Variants in THADA observed in about 807,000 individuals in gnomAD.
THADA encodes tRNA (32-2'-O)-methyltransferase regulator THADA.
A neutral mutation model predicts 219.8 loss-of-function variants in THADA; 213 were observed. The observed-to-expected ratio is 0.97, with a 90% CI of 0.87 to 1.09. THADA has a LOEUF of 1.09. Ranked by LOEUF, THADA falls within the 50% of genes least tolerant of loss-of-function variation. The pLI, the probability that THADA is intolerant of heterozygous loss-of-function variation, is 0.00. For synonymous variants in THADA, 1,018 were observed against 828.9 expected (o/e 1.23, Z -3.92); for missense variants, 2,956 against 2,311.3 (o/e 1.28, Z -5.72).
chr2:43,533,332 G>A (rs997184787), intron 21 of THADA, among the ~76,000 whole-genome samples: 71 of 152,190 alleles, frequency 4.7e-4, no homozygotes, highest in African/African-American at 1.7e-3. Context: ...ACAGTGTGGC[G>A]ATTCCTCAAG....
In THADA at chr2:43,291,750, T is replaced by C; in HGVS notation, c.4956A>G (p.Val1652=). The C allele has an allele frequency of 1.3e-6, 2 of 1,551,760 alleles. No individual in the cohort carries two copies. Among genetic ancestry groups the C allele is most frequent in the Non-Finnish European group, 1.7e-6 (2 of 1,145,890 alleles). ...ASNERSEIQS[V]ALRLASKVIS... ...TGACTTTGGAAGCAAGTCTCAGAGCTACACTCTGAATTTCAGATCTAGAAA... is the reference window on the plus strand; with the variant it reads ...TGACTTTGGAAGCAAGTCTCAGAGCCACACTCTGAATTTCAGATCTAGAAA... Residue 1652 remains valine (V), a synonymous_variant, in exon 34 of 38, where the codon GTA becomes GTG. Coordinates refer to ENST00000405975, the MANE Select transcript of THADA (RefSeq NM_022065.5).
chr2:43,348,175 A>C, intron 29 of THADA, among the ~76,000 whole-genome samples: 1 of 152,150 alleles, frequency 6.6e-6, no homozygotes, highest in East Asian at 1.9e-4. Context: ...AGTCATCCTG[A>C]TTTCCATTTT....
At chr2:43,437,527 C>A (rs1680272884) in intron 26 of THADA, among the ~76,000 whole-genome samples, 1 of 152,122 alleles carries the variant, frequency 6.6e-6, no homozygotes, top group Admixed American at 6.5e-5. Context: ...TTGTATGAGA[C>A]AAACTGAATG....
chr2:43,497,843 C>G (rs1384198016), intron 25 of THADA, among the ~76,000 whole-genome samples: 1 of 152,068 alleles, frequency 6.6e-6, no homozygotes, highest in Non-Finnish European at 1.5e-5. Context: ...TGAGATCACA[C>G]CACTGCACTC....
At chr2:43,445,410 C>G (rs1049070368) in intron 26 of THADA, among the ~76,000 whole-genome samples, 5 of 152,198 alleles carry the variant, frequency 3.3e-5, no homozygotes, top group Admixed American at 3.3e-4. Context: ...CTGACACTAG[C>G]TTTTCTCCCT....
intron 25 of THADA, 124 bp from the exon 26 acceptor site, chr2:43,485,449 G>T: frequency 1.5e-6 from 1 of 663,670 alleles, no homozygotes; most frequent in East Asian, 2.6e-5. Context: ...TAAAAAGACA[G>T]ATTTGTGTTC....
At chr2:43,521,177 G>T (rs936229057) in intron 22 of THADA, among the ~76,000 whole-genome samples, 2 of 150,680 alleles carry the variant, frequency 1.3e-5, no homozygotes, top group Non-Finnish European at 3.0e-5. Context: ...AGGAGGGAGG[G>T]AGGGAAGAAG....
At chr2:43,245,172 C>CCTTTTTTTTTT (rs1669006363) in intron 36 of THADA, among the ~76,000 whole-genome samples, 1 of 103,144 alleles carries the variant, frequency 9.7e-6, no homozygotes, top group South Asian at 3.6e-4. Flanking sequence ...CTTTCTTCTT[C>CCTTTTTTTTTT]TTTTTTTTTT....
intron 31 of THADA, among the ~76,000 whole-genome samples, chr2:43,311,658 C>A (rs1242182024): frequency 1.3e-5 from 2 of 152,128 alleles, no homozygotes; most frequent in African/African-American, 4.8e-5. Flanking sequence ...AATGTGATAT[C>A]TATATACTGG....
chr2:43,426,158 T>A (rs758508445), intron 28 of THADA, among the ~76,000 whole-genome samples: 1 of 152,248 alleles, frequency 6.6e-6, no homozygotes, highest in Admixed American at 6.5e-5. Context: ...AATGCAATCT[T>A]TGTTTTATAT....
intron 36 of THADA, among the ~76,000 whole-genome samples, chr2:43,238,811 G>A (rs1414212205): frequency 6.6e-6 from 1 of 152,186 alleles, no homozygotes; most frequent in Non-Finnish European, 1.5e-5. Flanking sequence ...AGGAGGTCTA[G>A]GTGGGAAGGT....
Position 43,590,912 on chromosome 2 carries a change from C to A in THADA, c.214G>T (p.Asp72Tyr), listed in dbSNP as rs1701492225. Residue 72 changes from aspartate to tyrosine, a missense_variant, in exon 4 of 38, where the codon GAT becomes TAT. Transcript: ENST00000405975. ...LEKADKNGMC[D>Y]PTIQSCLDIL... ...TCCAAACAACTTTGAATAGTGGGATCACACATGCCATTTTTATCTGCTTTC... is the reference window on the plus strand; with the variant it reads ...TCCAAACAACTTTGAATAGTGGGATAACACATGCCATTTTTATCTGCTTTC... 6.2e-7 allele frequency: 1 copy of A among 1,613,674 alleles called. No individual in the cohort carries two copies. The highest frequency in any genetic ancestry group is 8.5e-7 in the Non-Finnish European group (1 of 1,179,666).
intron 26 of THADA, among the ~76,000 whole-genome samples, chr2:43,483,413 C>T (rs1462083401): frequency 1.3e-5 from 2 of 152,108 alleles, no homozygotes; most frequent in African/African-American, 4.8e-5. Flanking sequence ...GCAAAGCAAA[C>T]CTAATGGGAG....
intron 15 of THADA, chr2:43,566,182 G>A: frequency 2.6e-6 from 1 of 378,304 alleles, no homozygotes; most frequent in Non-Finnish European, 4.7e-6. Context: ...ACCCTCTTGA[G>A]AACCACACAG....
chr2:43,480,216 A>G (rs1686022217), intron 26 of THADA, among the ~76,000 whole-genome samples: 1 of 152,184 alleles, frequency 6.6e-6, no homozygotes, highest in Admixed American at 6.5e-5. Context: ...TGAAATGAGG[A>G]TGATACTGCC....
chr2:43,318,413 G>A lies in THADA; in HGVS notation c.4438+2033C>T, dbSNP rs534804060. ...GATAATACATTTTAAATTTAATCCAGTATGTCAAAAACATCATTCCAACAC... is the reference window on the plus strand; with the variant it reads ...GATAATACATTTTAAATTTAATCCAATATGTCAAAAACATCATTCCAACAC... On this transcript the variant is annotated intron_variant, in intron 31 of 37. Transcript: ENST00000405975. Among the ~76,000 whole-genome samples the A allele has an allele frequency of 5.9e-5, 9 of 152,236 alleles. No homozygotes were observed. In the East Asian group the frequency reaches 1.2e-3, roughly 20 times the overall value.
intron 36 of THADA, among the ~76,000 whole-genome samples, chr2:43,233,747 G>A (rs1667712878): frequency 1.3e-5 from 2 of 152,206 alleles, no homozygotes; most frequent in East Asian, 1.9e-4. Context: ...GGTTTGGAGG[G>A]AGGCTCAGGG....
At chr2:43,442,523 T>C (rs1339092916) in intron 26 of THADA, among the ~76,000 whole-genome samples, 1 of 152,186 alleles carries the variant, frequency 6.6e-6, no homozygotes, top group Non-Finnish European at 1.5e-5. Context: ...GAAGACAGCA[T>C]GCAAGGGAAA....
At chr2:43,347,492 T>A (rs1667760565) in intron 29 of THADA, among the ~76,000 whole-genome samples, 1 of 152,202 alleles carries the variant, frequency 6.6e-6, no homozygotes. Flanking sequence ...TTAAAACACA[T>A]TTTAAGGGTA....
Sources: allele counts gnomAD v4.1 joint callset (sites outside exome capture counted in the v4.1 genomes callset), GRCh38; gene constraint gnomAD v4.1.1; transcripts MANE v1.5; gene names NCBI Gene and HGNC (gene_info 2026-07-23, HGNC 2026-07-21).